PDSS2: variants seen among roughly 807,000 people sequenced by gnomAD.
The protein encoded by PDSS2 is all trans-polyprenyl-diphosphate synthase PDSS2.
PDSS2 carries 31 observed loss-of-function variants against 44.5 expected under a neutral mutation model. That is an observed-to-expected ratio of 0.70 (90% CI 0.52 to 0.94). PDSS2 has a LOEUF of 0.94. Among genes scored for constraint, PDSS2 ranks in the 40% least tolerant of loss-of-function variants. The pLI is 0.00. For synonymous variants in PDSS2, 157 were observed against 180.3 expected (o/e 0.87, Z 1.03); for missense variants, 452 against 482.2 (o/e 0.94, Z 0.59).
At chr6:107,417,369 G>A (rs1471355187) in intron 1 of PDSS2, among the ~76,000 whole-genome samples, 1 of 152,104 alleles carries the variant, frequency 6.6e-6, no homozygotes, top group Non-Finnish European at 1.5e-5. Context: ...AAATTGGTTA[G>A]AACTCCTCAA....
intron 7 of PDSS2, among the ~76,000 whole-genome samples, chr6:107,183,584 G>C (rs760596278): frequency 3.3e-5 from 5 of 152,080 alleles, no homozygotes; most frequent in Non-Finnish European, 7.4e-5. Context: ...TGTAATCCCA[G>C]CTACTCTGGA....
intron 2 of PDSS2, among the ~76,000 whole-genome samples, chr6:107,327,601 C>T (rs557008737): frequency 4.8e-4 from 73 of 152,202 alleles, no homozygotes; most frequent in African/African-American, 1.5e-3. Flanking sequence ...GGATTACAGG[C>T]GCCCACCATC....
chr6:107,375,709 C>T (rs187035326), intron 1 of PDSS2, among the ~76,000 whole-genome samples: 1 of 152,224 alleles, frequency 6.6e-6, no homozygotes, highest in African/African-American at 2.4e-5. Flanking sequence ...AACCCTGAGA[C>T]TAAAACCAGA....
At chr6:107,325,840 T>C (rs1043064708) in intron 2 of PDSS2, among the ~76,000 whole-genome samples, 1 of 152,238 alleles carries the variant, frequency 6.6e-6, no homozygotes, top group African/African-American at 2.4e-5. Flanking sequence ...TTTTTGTAAT[T>C]TGGGCTTTGT....
intron 1 of PDSS2, among the ~76,000 whole-genome samples, chr6:107,427,575 T>C (rs1781046174): frequency 6.6e-6 from 1 of 152,254 alleles, no homozygotes; most frequent in Non-Finnish European, 1.5e-5. Context: ...TCCATTCTTT[T>C]AAGAATAGCT....
chr6:107,415,556 G>A (rs1210039219), intron 1 of PDSS2, among the ~76,000 whole-genome samples: 1 of 152,104 alleles, frequency 6.6e-6, no homozygotes, highest in African/African-American at 2.4e-5. Context: ...AAAAGAGGTA[G>A]AGGAGAAGGA....
At chr6:107,421,974 G>A (rs1213627930) in intron 1 of PDSS2, among the ~76,000 whole-genome samples, 1 of 151,222 alleles carries the variant, frequency 6.6e-6, no homozygotes, top group African/African-American at 2.4e-5. Context: ...GCTGGATGAT[G>A]GCTAAAAGGA....
At chr6:107,231,459 A>C (rs1009630475) in intron 4 of PDSS2, among the ~76,000 whole-genome samples, 14 of 152,176 alleles carry the variant, frequency 9.2e-5, no homozygotes, top group Admixed American at 2.6e-4. Flanking sequence ...CACTGCCAAC[A>C]ATCTCGTCTG....
At chr6:107,197,256 TG>T (rs1772594722) in intron 6 of PDSS2, among the ~76,000 whole-genome samples, 1 of 45,412 alleles carries the variant, frequency 2.2e-5, no homozygotes, top group Non-Finnish European at 4.4e-5. Context: ...AAGGTGGGGG[TG>T]GGGTAAGGGG....
chr6:107,267,625 C>A (rs902784898), intron 3 of PDSS2, among the ~76,000 whole-genome samples: 1 of 148,166 alleles, frequency 6.7e-6, no homozygotes, highest in African/African-American at 2.5e-5. Context: ...GGCTCTATTG[C>A]CCAGGCTAGA....
chr6:107,274,318 T>C, intron 2 of PDSS2, 91 bp from the exon 3 acceptor site: 3 of 1,041,378 alleles, frequency 2.9e-6, no homozygotes, highest in East Asian at 2.5e-5. Flanking sequence ...AAATATTCCA[T>C]AGGTTGCCCC....
intron 1 of PDSS2, among the ~76,000 whole-genome samples, chr6:107,430,888 C>T (rs1178549238): frequency 6.6e-6 from 1 of 152,044 alleles, no homozygotes; most frequent in Non-Finnish European, 1.5e-5. Context: ...CTTCATCTTC[C>T]TAATCTTCCT....
chr6:107,397,121 A>T (rs319120), intron 1 of PDSS2, among the ~76,000 whole-genome samples: 109,533 of 151,788 alleles, frequency 0.72, 39,977 homozygotes, highest in Middle Eastern at 0.79. Context: ...CTGTGTAGGC[A>T]TCTTCCTCTA....
chr6:107,448,366 T>C (rs1242562572), intron 1 of PDSS2, among the ~76,000 whole-genome samples: 2 of 152,136 alleles, frequency 1.3e-5, no homozygotes, highest in Admixed American at 1.3e-4. Flanking sequence ...TGCTTAAAAA[T>C]TTCTTCCACT....
intron 1 of PDSS2, among the ~76,000 whole-genome samples, chr6:107,369,762 T>C (rs916923475): frequency 1.3e-5 from 2 of 151,912 alleles, no homozygotes; most frequent in African/African-American, 4.8e-5. Flanking sequence ...ACCAGAACTT[T>C]GGGAGGCCAA....
intron 7 of PDSS2, among the ~76,000 whole-genome samples, chr6:107,179,005 C>T (rs111393978): frequency 2.6e-5 from 4 of 152,286 alleles, no homozygotes; most frequent in African/African-American, 9.6e-5. Context: ...TCGATAGAAC[C>T]ATTTGATTAA....
In PDSS2 at chr6:107,230,122, C is replaced by A; in HGVS notation, c.702+15426G>T. 2.0e-5 allele frequency: 3 copies of A among 153,520 alleles called. No homozygotes were observed. The South Asian group carries it at 5.4e-4, about 28-fold the overall frequency. 9.5% of individuals were successfully genotyped at this position (153,520 alleles called of 1,614,324 possible). A position where few individuals can be genotyped will look rare whatever the true frequency, so the allele number is the denominator to read the frequency against. On this transcript the variant is annotated intron_variant, in intron 4 of 7. Transcript: ENST00000369037. ...AGTCAGTCAGGGAGACTGCAAAGGT[C>A]AAAGTTGGTGCTGGCAAAAACAAGG...
At chr6:107,257,801 T>C (rs193032758) in intron 3 of PDSS2, among the ~76,000 whole-genome samples, 8 of 152,236 alleles carry the variant, frequency 5.3e-5, no homozygotes, top group Non-Finnish European at 1.0e-4. Flanking sequence ...GTATTTTTAG[T>C]AGATACAGAG....
chr6:107,404,830 A>G (rs955056024), intron 1 of PDSS2, among the ~76,000 whole-genome samples: 1 of 152,312 alleles, frequency 6.6e-6, no homozygotes, highest in African/African-American at 2.4e-5. Context: ...CCTGAGGGAG[A>G]GGAAAAAGAA....
Sources: gnomAD v4.1 joint callset for allele counts (sites outside exome capture counted in the v4.1 genomes callset) on GRCh38, gnomAD v4.1.1 for gene constraint, MANE v1.5 for transcripts, NCBI Gene and HGNC (gene_info 2026-07-23, HGNC 2026-07-21) for gene names.